Variants in MYOM2 observed in about 807,000 individuals in gnomAD.
The protein encoded by MYOM2 is myomesin-2.
A neutral mutation model predicts 187.6 loss-of-function variants in MYOM2; 254 were observed. The ratio of observed to expected loss-of-function variants is 1.35; its 90% CI spans 1.22 to 1.50. The LOEUF (loss-of-function observed/expected upper bound fraction) is 1.50. MYOM2 is among the 40% of genes most tolerant of loss of function. The pLI, the probability that MYOM2 is intolerant of heterozygous loss-of-function variation, is 0.00. For synonymous variants in MYOM2, 981 were observed against 753.8 expected (o/e 1.30, Z -4.94); for missense variants, 2,796 against 1,924.0 (o/e 1.45, Z -8.48).
chr8:2,059,557 C>A (rs142230582), intron 6 of MYOM2, among the ~76,000 whole-genome samples: 1 of 152,022 alleles, frequency 6.6e-6, no homozygotes, highest in Non-Finnish European at 1.5e-5. Context: ...CTGCCAGGTT[C>A]GAGAAACACA....
intron 2 of MYOM2, among the ~76,000 whole-genome samples, chr8:2,051,561 G>T (rs761688078): frequency 2.6e-5 from 4 of 152,214 alleles, no homozygotes; most frequent in East Asian, 1.9e-4. Flanking sequence ...AACGCTTAGG[G>T]TACTTTTATT....
Position 2,078,740 on chromosome 8 carries a change from A to G in MYOM2, c.1269A>G (p.Glu423=). 6 of 1,614,164 alleles carry G rather than the reference A, an allele frequency of 3.7e-6. No individual in the cohort carries two copies. The highest frequency in any genetic ancestry group is 1.7e-4 in the Middle Eastern group (1 of 6,060). The change falls in exon 12 of 37, where the codon GAA becomes GAG. Residue 423 remains glutamate, a synonymous_variant. Transcript: ENST00000262113. ...TTCTTTTTTTAACTTGAAGATGTGA[A>G]GTAGGAACGAATAATTGGGTGCAGT... The part of the protein sequence containing the change: ...PVMGYFVDRC[E]VGTNNWVQCN...
chr8:2,126,075 C>A (rs1797625053), intron 31 of MYOM2, among the ~76,000 whole-genome samples: 1 of 152,186 alleles, frequency 6.6e-6, no homozygotes, highest in South Asian at 2.1e-4. Context: ...AAGGGCCACT[C>A]ATGGATAATA....
intron 32 of MYOM2, among the ~76,000 whole-genome samples, chr8:2,139,831 C>T (rs1054494959): frequency 2.0e-5 from 3 of 152,174 alleles, no homozygotes; most frequent in Non-Finnish European, 4.4e-5. Context: ...ACAGTTTGGC[C>T]TTATATGTTG....
intron 31 of MYOM2, among the ~76,000 whole-genome samples, chr8:2,128,111 TATC>T (rs887710143): frequency 7.0e-4 from 107 of 152,296 alleles, no homozygotes; most frequent in African/African-American, 2.5e-3. Context: ...TGGAACCACA[TATC>T]ATGGTTTAAG....
chr8:2,135,681 A>C (rs1003158889), intron 32 of MYOM2, among the ~76,000 whole-genome samples: 9 of 152,212 alleles, frequency 5.9e-5, no homozygotes, highest in Non-Finnish European at 1.3e-4. Context: ...GAATTTGGTC[A>C]TGTTTTGTAA....
rs1035777494 is a variant in MYOM2 at position 2,076,136 on chromosome 8, C to T, written c.1121-5C>T. 4 of 1,610,420 alleles carry T rather than the reference C, an allele frequency of 2.5e-6. No individual in the cohort carries two copies. In the South Asian group the frequency reaches 3.3e-5, roughly 13 times the overall value. ...GGCGTGTGCCTTTTCTCTCCCTGCC[C>T]CAAGATGCTGACCCGCTGGTCACAG... On this transcript the variant is annotated splice_region_variant and splice_polypyrimidine_tract_variant and intron_variant, in intron 10 of 36. Transcript: ENST00000262113.
chr8:2,099,037 G>T, intron 19 of MYOM2, 54 bp downstream of exon 19: 3 of 1,539,234 alleles, frequency 1.9e-6, no homozygotes, highest in Non-Finnish European at 2.6e-6. Flanking sequence ...TGGCTGGGAA[G>T]GGGCCTCTGT....
intron 10 of MYOM2, among the ~76,000 whole-genome samples, chr8:2,075,319 C>T (rs1018894296): frequency 1.2e-4 from 18 of 152,100 alleles, no homozygotes; most frequent in Admixed American, 3.9e-4. Context: ...AAATGCAACA[C>T]GGCTCAAATC....
intron 32 of MYOM2, among the ~76,000 whole-genome samples, chr8:2,132,785 T>G (rs4262342): frequency 3.9e-5 from 6 of 151,924 alleles, no homozygotes; most frequent in East Asian, 3.9e-4. Flanking sequence ...TTTTAATTCA[T>G]TTCAGGAGAT....
rs117183267 is a variant in MYOM2, at chr8:2,048,107, C to T, written c.-12-2648C>T. ...TGACTCTTCCCTTTACCAAGAAATA[C>T]AAACACATCTGAGGTTTAACTCAAC... On this transcript the variant is annotated intron_variant, in intron 1 of 36. Coordinates refer to ENST00000262113, the MANE Select transcript of MYOM2 (RefSeq NM_003970.4). 3.8e-3 allele frequency among the ~76,000 whole-genome samples: 581 copies of T among 152,340 alleles called. 6 individuals carry two copies. Among genetic ancestry groups the T allele is most frequent in the East Asian group, 0.034 (174 of 5,186 alleles).
At chr8:2,140,982 A>T in intron 33 of MYOM2, 96 bp downstream of exon 33, 1 of 1,363,822 alleles carries the variant, frequency 7.3e-7, no homozygotes, top group Non-Finnish European at 9.9e-7. Context: ...AAGAGACAAT[A>T]TGAATTTACA....
chr8:2,095,741 A>G (rs4875913), intron 17 of MYOM2, among the ~76,000 whole-genome samples: 2,701 of 152,298 alleles, frequency 0.018, 80 homozygotes, highest in African/African-American at 0.062. Context: ...TCCGTTTCAA[A>G]TGCCCTGCTC....
At chr8:2,092,190 C>T (rs57849084) in intron 15 of MYOM2, among the ~76,000 whole-genome samples, 156 bp from the exon 16 acceptor site, 2,123 of 151,912 alleles carry the variant, frequency 0.014, 47 homozygotes, top group African/African-American at 0.049. Flanking sequence ...GTGGTCGGCC[C>T]GGGGCTCCTC....
At position 2,072,491 on chromosome 8, in the gene MYOM2, G is replaced by C. The variant is rs199843684; in HGVS notation, c.940G>C (p.Ala314Pro). 8 of 1,613,342 alleles carry C rather than the reference G, an allele frequency of 5.0e-6. No homozygotes were observed. In the Admixed American group the frequency reaches 1.3e-4, roughly 27 times the overall value. The change falls in exon 9 of 37, where the codon GCC becomes CCC. Residue 314 changes from alanine to proline, a missense_variant. Transcript: ENST00000262113. ...GGACCTGAAGCGGGTGCAGCCGCGC[G>C]CCGAGTGGTACCGCGATGGTGAGTA... ...TPDLKRVQPR[A>P]EWYRDDVLLK... is the part of the protein sequence containing the mutation.
intron 8 of MYOM2, 32 bp from the exon 9 acceptor site, chr8:2,072,313 C>T (rs185329898): frequency 5.0e-6 from 8 of 1,592,860 alleles, no homozygotes; most frequent in Admixed American, 1.7e-5. Context: ...CTCTGCCCTT[C>T]GGCCCTGAAA....
chr8:2,132,229 G>T (rs899535629), intron 32 of MYOM2, among the ~76,000 whole-genome samples: 2 of 147,774 alleles, frequency 1.4e-5, no homozygotes, highest in Admixed American at 6.7e-5. Context: ...GGTGCTGTGG[G>T]TCCTGGAATA....
chr8:2,057,227 T>G, intron 3 of MYOM2, 121 bp from the exon 4 acceptor site: 1 of 1,152,010 alleles, frequency 8.7e-7, no homozygotes. Context: ...TCTCCTGTTC[T>G]CTTCTTGAAC....
chr8:2,099,301 A>G (rs1199154467), intron 19 of MYOM2, among the ~76,000 whole-genome samples: 1 of 152,186 alleles, frequency 6.6e-6, no homozygotes, highest in Non-Finnish European at 1.5e-5. Context: ...CTGACCTATG[A>G]CACGGATTTG....
Sources: gnomAD v4.1 joint callset for allele counts (sites outside exome capture counted in the v4.1 genomes callset) on GRCh38, gnomAD v4.1.1 for gene constraint, MANE v1.5 for transcripts, NCBI Gene and HGNC (gene_info 2026-07-23, HGNC 2026-07-21) for gene names.